Variants in SPNS3 observed in about 807,000 individuals in gnomAD.
The protein encoded by SPNS3 is SPNS lysolipid transporter 3, sphingosine-1-phosphate (putative).
In SPNS3, 51 loss-of-function variants were observed where a neutral mutation model predicts 54.4. That is an observed-to-expected ratio of 0.94 (90% CI 0.75 to 1.18). The LOEUF (loss-of-function observed/expected upper bound fraction) is 1.18. SPNS3 is among the 50% of genes most tolerant of loss of function. The pLI is 0.00. For synonymous variants in SPNS3, 309 were observed against 294.7 expected, an observed-to-expected ratio of 1.05 and a Z score of -0.50; for missense variants, 669 against 677.4, an observed-to-expected ratio of 0.99 and a Z score of 0.14.
At chr17:4,482,219 T>C (rs1460348284) in intron 9 of SPNS3, 2 of 152,112 alleles carry the variant, frequency 1.3e-5, no homozygotes, top group African/African-American at 2.4e-5. Context: ...ATCTCCACAA[T>C]GGGGAGAATC....
chr17:4,446,806 TG>T (rs752952107), intron 4 of SPNS3, 89 bp from the exon 5 acceptor site: 113 of 1,227,916 alleles, frequency 9.2e-5, no homozygotes, highest in East Asian at 1.2e-4. Flanking sequence ...CCCTGGGGCG[TG>T]GGGGGGGCAC....
At chr17:4,482,556 A>G (rs889731105) in intron 9 of SPNS3, 2 of 151,714 alleles carry the variant, frequency 1.3e-5, no homozygotes, top group South Asian at 4.2e-4. Flanking sequence ...CTCGTTCTGC[A>G]TACCTCGGGC....
intron 8 of SPNS3, among the ~76,000 whole-genome samples, chr17:4,466,187 T>C (rs979192284): frequency 6.6e-6 from 1 of 152,234 alleles, no homozygotes; most frequent in African/African-American, 2.4e-5. Context: ...TTCCAGGCAC[T>C]GGAGTACAGC....
At chr17:4,458,447 CTTCT>C (rs1413075507) in intron 8 of SPNS3, among the ~76,000 whole-genome samples, 1 of 72,640 alleles carries the variant, frequency 1.4e-5, no homozygotes, top group Admixed American at 1.8e-4. Flanking sequence ...CCCTCCCTCC[CTTCT>C]TTCTTCTTTC....
At chr17:4,442,573 G>A (rs1970881268) in intron 2 of SPNS3, among the ~76,000 whole-genome samples, 1 of 151,866 alleles carries the variant, frequency 6.6e-6, no homozygotes, top group African/African-American at 2.4e-5. Flanking sequence ...AAAGTGAGAA[G>A]AGGCAGTGGT....
chr17:4,447,022 G>C, intron 5 of SPNS3, 60 bp downstream of exon 5: 1 of 1,596,984 alleles, frequency 6.3e-7, no homozygotes, highest in East Asian at 2.2e-5. Context: ...GGACTTTCCA[G>C]CCTTGGGTGA....
In SPNS3 at chr17:4,486,733, A is replaced by G. The variant is rs970534772; in HGVS notation, c.1450+150A>G. ...TGCTATGTACCAGGGAAGGTTGCAGATGCTGGGGAGTGAAAGAATGAGGCC... is the reference window on the plus strand; with the variant it reads ...TGCTATGTACCAGGGAAGGTTGCAGGTGCTGGGGAGTGAAAGAATGAGGCC... On this transcript the variant is annotated intron_variant, in intron 11 of 11. Transcript: ENST00000355530. This position sits in a 1 kb window ranked among gnomAD's most constrained non-coding sequence, Gnocchi z 5.5. 1 of 869,280 alleles carries G rather than the reference A, an allele frequency of 1.2e-6. No individual in the cohort carries two copies. The highest frequency in any genetic ancestry group is 1.7e-6 in the Non-Finnish European group (1 of 588,212). The allele number at this position is 869,280 out of a possible 1,614,324, so 53.8% of individuals were successfully genotyped here. A position where few individuals can be genotyped will look rare whatever the true frequency, so the allele number is the denominator to read the frequency against.
chr17:4,449,591 C>T (rs1971104672), intron 7 of SPNS3, among the ~76,000 whole-genome samples: 1 of 151,862 alleles, frequency 6.6e-6, no homozygotes, highest in African/African-American at 2.4e-5. Context: ...GTGGCCATGG[C>T]CAACTCTCTT....
chr17:4,447,810 C>T (rs1971038369), intron 5 of SPNS3, among the ~76,000 whole-genome samples: 1 of 152,252 alleles, frequency 6.6e-6, no homozygotes, highest in Admixed American at 6.5e-5. Context: ...AGCTCTAGGA[C>T]AGCAAGTACT....
rs376299657 is a variant in SPNS3 at position 4,447,029 on chromosome 17, G to A, written c.621+67G>A. ...ACCGGCAGGGACTTTCCAGCCTTGG[G>A]TGACCTTAGCCACTTGGCGTAGCAC... On this transcript the variant is annotated intron_variant, in intron 5 of 11. Coordinates refer to ENST00000355530, the MANE Select transcript of SPNS3 (RefSeq NM_182538.5). 9.5e-5 allele frequency: 151 copies of A among 1,585,674 alleles called. 2 individuals carry two copies. In the East Asian group the frequency reaches 1.7e-3, roughly 18 times the overall value.
chr17:4,481,416 A>G (rs921569466), intron 9 of SPNS3, among the ~76,000 whole-genome samples: 40 of 152,210 alleles, frequency 2.6e-4, no homozygotes, highest in African/African-American at 9.4e-4. Flanking sequence ...GCAGGGGCCC[A>G]GGGAGGGAGG....
intron 7 of SPNS3, among the ~76,000 whole-genome samples, 167 bp from the exon 8 acceptor site, chr17:4,452,849 A>C (rs1971201866): frequency 6.6e-6 from 1 of 151,710 alleles, no homozygotes; most frequent in Admixed American, 6.6e-5. Context: ...ATCAGTGAGG[A>C]GGGTGGGTAA....
At chr17:4,436,448 G>A (rs1597297245) in intron 1 of SPNS3, among the ~76,000 whole-genome samples, 1 of 151,826 alleles carries the variant, frequency 6.6e-6, no homozygotes, top group East Asian at 1.9e-4. Flanking sequence ...TAAAAAATTA[G>A]CCAGGGACAG....
chr17:4,471,981 C>A (rs1488662054), intron 8 of SPNS3, among the ~76,000 whole-genome samples: 2 of 152,096 alleles, frequency 1.3e-5, no homozygotes, highest in Non-Finnish European at 2.9e-5. Context: ...GCCTTAGCCT[C>A]CCGAGTAGCT....
intron 8 of SPNS3, among the ~76,000 whole-genome samples, chr17:4,469,110 G>T (rs1416696102): frequency 4.0e-5 from 6 of 150,282 alleles, no homozygotes; most frequent in Non-Finnish European, 8.9e-5. Context: ...TCTAAGACAG[G>T]TTCTTGCTCT....
At chr17:4,443,614 T>C (rs1174032149) in intron 2 of SPNS3, among the ~76,000 whole-genome samples, 1 of 152,208 alleles carries the variant, frequency 6.6e-6, no homozygotes, top group Non-Finnish European at 1.5e-5. Context: ...AACAAGGGAA[T>C]AGCACTGTTG....
intron 2 of SPNS3, among the ~76,000 whole-genome samples, chr17:4,443,785 A>G (rs1970912347): frequency 1.3e-5 from 2 of 152,260 alleles, no homozygotes; most frequent in Non-Finnish European, 2.9e-5. Context: ...AAAACATATT[A>G]ACAAACAACA....
chr17:4,442,676 C>T (rs951045817), intron 2 of SPNS3, among the ~76,000 whole-genome samples: 2 of 152,268 alleles, frequency 1.3e-5, no homozygotes, highest in East Asian at 3.9e-4. Flanking sequence ...TTGGCCCTTA[C>T]CACATGTCAG....
At chr17:4,474,249 C>T (rs1221157564) in intron 8 of SPNS3, among the ~76,000 whole-genome samples, 4 of 152,232 alleles carry the variant, frequency 2.6e-5, no homozygotes, top group Non-Finnish European at 2.9e-5. Context: ...GGAAACCAGG[C>T]GGTGCCCTCG....
Sources: allele counts gnomAD v4.1 joint callset (sites outside exome capture counted in the v4.1 genomes callset), GRCh38; gene constraint gnomAD v4.1.1; non-coding constraint Gnocchi (gnomAD v3.1); transcripts MANE v1.5; gene names NCBI Gene and HGNC (gene_info 2026-07-23, HGNC 2026-07-21).